The following RTF1 variants were observed in gnomAD, a reference collection of about 807,000 sequenced individuals.
RTF1 encodes the protein RTF1 homolog, Paf1/RNA polymerase II complex component.
In RTF1, 10 loss-of-function variants were observed where a neutral mutation model predicts 95.7. The observed-to-expected ratio is 0.10, with a 90% CI of 0.06 to 0.18. RTF1 has a LOEUF of 0.18. Among genes scored for constraint, RTF1 ranks in the 10% least tolerant of loss-of-function variants. The probability of loss-of-function intolerance (pLI) is 1.00; values close to 1 mark genes in which losing one functional copy is unlikely to be tolerated. For synonymous variants in RTF1, 305 were observed against 311.8 expected (o/e 0.98, Z 0.23); for missense variants, 458 against 875.6 (o/e 0.52, Z 6.02).
At position 41,483,204 on chromosome 15, in the gene RTF1, C is replaced by G. The variant is rs1467710974; in HGVS notation, c.*2517C>G. 2 of 152,768 alleles carry G rather than the reference C, an allele frequency of 1.3e-5. No homozygotes were observed. The highest frequency in any genetic ancestry group is 2.9e-5 in the Non-Finnish European group (2 of 68,042). 9.5% of individuals were successfully genotyped at this position (152,768 alleles called of 1,614,324 possible). On this transcript the variant is annotated 3_prime_UTR_variant, in exon 18 of 18. Transcript: ENST00000389629. ...AAGATCTTGGTCAGGCATTAAGACACTGGCTTTGTCCTACCAACTAGGATT... is the reference window on the plus strand; with the variant it reads ...AAGATCTTGGTCAGGCATTAAGACAGTGGCTTTGTCCTACCAACTAGGATT...
At chr15:41,426,312 A>ATT (rs540070805) in intron 1 of RTF1, among the ~76,000 whole-genome samples, 3 of 143,034 alleles carry the variant, frequency 2.1e-5, no homozygotes, top group Admixed American at 7.0e-5. Context: ...GTTTGTTTTT[A>ATT]TTTTTTTTTT....
At chr15:41,437,963 CAG>C (rs1172720724) in intron 1 of RTF1, among the ~76,000 whole-genome samples, 1 of 152,218 alleles carries the variant, frequency 6.6e-6, no homozygotes, top group Non-Finnish European at 1.5e-5. Context: ...CCGGATAAAA[CAG>C]TGACTAGGTT....
chr15:41,469,358 CT>C (rs369510800), intron 6 of RTF1, among the ~76,000 whole-genome samples: 39 of 147,366 alleles, frequency 2.6e-4, no homozygotes, highest in Admixed American at 2.7e-4. Flanking sequence ...TTTTCTCTCT[CT>C]TTTTTTTTTA....
intron 1 of RTF1, among the ~76,000 whole-genome samples, chr15:41,426,843 T>C (rs1283462731): frequency 6.8e-6 from 1 of 147,992 alleles, no homozygotes; most frequent in Non-Finnish European, 1.5e-5. Context: ...TGTTTGTTTG[T>C]TTGTTTGTTT....
rs939099350 is a variant in RTF1 at position 41,430,328 on chromosome 15, G to C, written c.199-7993G>C. Among the ~76,000 whole-genome samples, 99 of 151,814 alleles carry C rather than the reference G, an allele frequency of 6.5e-4. 1 individual carries two copies. The highest frequency in any genetic ancestry group is 2.2e-3 in the African/African-American group (93 of 41,432). On this transcript the variant is annotated intron_variant, in intron 1 of 17. Transcript: ENST00000389629. ...CCAGCCTCAGCCTCCCAAATAGCTG[G>C]GACTACAGGCGCGTGGCACCACACC...
At chr15:41,446,465 C>T (rs1488067501) in intron 2 of RTF1, among the ~76,000 whole-genome samples, 1 of 152,010 alleles carries the variant, frequency 6.6e-6, no homozygotes, top group Non-Finnish European at 1.5e-5. Context: ...ACTCAGGAGG[C>T]TGAGGCAGGA....
chr15:41,468,963 C>T lies in RTF1; in HGVS notation c.890-1294C>T, dbSNP rs74822135. ...GCAGTTATTTTTCCTTCCTTCCATCCATCTTTTTCTCTCTCTCTTTTTTGA... is the reference window on the plus strand; with the variant it reads ...GCAGTTATTTTTCCTTCCTTCCATCTATCTTTTTCTCTCTCTCTTTTTTGA... On this transcript the variant is annotated intron_variant, in intron 6 of 17. Transcript: ENST00000389629. Among the ~76,000 whole-genome samples the T allele has an allele frequency of 1.6e-3, 250 of 151,964 alleles. 3 individuals are homozygous for T. Among genetic ancestry groups the T allele is most frequent in the Non-Finnish European group, 3.0e-3 (205 of 67,924 alleles).
intron 2 of RTF1, among the ~76,000 whole-genome samples, chr15:41,445,141 T>C (rs2050754438): frequency 6.6e-6 from 1 of 152,028 alleles, no homozygotes; most frequent in Admixed American, 6.6e-5. Flanking sequence ...TTCTCTGTGT[T>C]AGCCAGGATG....
At chr15:41,445,144 C>CT (rs2050754475) in intron 2 of RTF1, among the ~76,000 whole-genome samples, 2 of 151,948 alleles carry the variant, frequency 1.3e-5, no homozygotes, top group South Asian at 4.2e-4. Context: ...TCTGTGTTAG[C>CT]CAGGATGGTC....
intron 1 of RTF1, among the ~76,000 whole-genome samples, chr15:41,425,193 C>G (rs1379518153): frequency 6.6e-6 from 1 of 152,064 alleles, no homozygotes; most frequent in Non-Finnish European, 1.5e-5. Flanking sequence ...GCTTCGCCTC[C>G]CGGGTTCATA....
At chr15:41,432,785 A>G (rs1002182235) in intron 1 of RTF1, among the ~76,000 whole-genome samples, 9 of 151,906 alleles carry the variant, frequency 5.9e-5, no homozygotes, top group Non-Finnish European at 8.8e-5. Flanking sequence ...TAAAAATACA[A>G]AAAATTAGCC....
In RTF1 at chr15:41,417,222, G is replaced by T; in HGVS notation, c.107G>T (p.Ser36Ile). Residue 36 changes from serine (S) to isoleucine (I), a missense_variant, in exon 1 of 18, where the codon AGC (serine) becomes ATC (isoleucine). By Grantham distance (142) the Ser-to-Ile change is moderately radical. This residue lies in a region of RTF1 where 81 missense variants were observed against 59.9 expected (regional missense o/e 1.35). Coordinates refer to ENST00000389629, the MANE Select transcript of RTF1 (RefSeq NM_015138.5). ...EGSPGGGRRGSRGTTMVKKRK... is the reference protein window; with the variant it reads ...EGSPGGGRRGIRGTTMVKKRK... ...AGTCCGGGCGGCGGCCGGCGTGGGA[G>T]CCGGGGGACCACCATGGTAAAGAAG... 7.9e-7 allele frequency: 1 copy of T among 1,260,812 alleles called. No individual in the cohort carries two copies. Among genetic ancestry groups the T allele is most frequent in the Non-Finnish European group, 1.0e-6 (1 of 997,058 alleles). 78.1% of individuals were successfully genotyped at this position (1,260,812 alleles called of 1,614,324 possible).
intron 2 of RTF1, among the ~76,000 whole-genome samples, chr15:41,443,251 TC>T (rs775947476): frequency 6.6e-6 from 1 of 152,210 alleles, no homozygotes; most frequent in Non-Finnish European, 1.5e-5. Flanking sequence ...CAGTATAATG[TC>T]ATATTAGTGA....
chr15:41,479,301 C>A, intron 16 of RTF1, 103 bp downstream of exon 16: 1 of 710,610 alleles, frequency 1.4e-6, no homozygotes, highest in Non-Finnish European at 2.5e-6. Flanking sequence ...CCTTGAGGAA[C>A]AGGGAGTCCC....
intron 1 of RTF1, among the ~76,000 whole-genome samples, chr15:41,436,309 AATT>A (rs1210679877): frequency 6.6e-6 from 1 of 150,812 alleles, no homozygotes; most frequent in Non-Finnish European, 1.5e-5. Flanking sequence ...AAAAAAAAAA[AATT>A]AGCTGGGCTT....
intron 4 of RTF1, among the ~76,000 whole-genome samples, chr15:41,461,583 C>T (rs2050849068): frequency 1.3e-5 from 2 of 151,460 alleles, no homozygotes; most frequent in Non-Finnish European, 1.5e-5. Context: ...AGCTCCGCTT[C>T]CCGGGTTCAT....
intron 1 of RTF1, among the ~76,000 whole-genome samples, chr15:41,430,097 T>C (rs1330266412): frequency 6.7e-6 from 1 of 149,482 alleles, no homozygotes; most frequent in African/African-American, 2.5e-5. Flanking sequence ...CATCCCTACC[T>C]CCTGGGTTCA....
At chr15:41,436,395 T>C (rs2050702684) in intron 1 of RTF1, among the ~76,000 whole-genome samples, 1 of 149,044 alleles carries the variant, frequency 6.7e-6, no homozygotes, top group Non-Finnish European at 1.5e-5. Context: ...AGGCCGATCT[T>C]GCAGTGAGCC....
chr15:41,428,682 CCCT>C (rs1372210728), intron 1 of RTF1, among the ~76,000 whole-genome samples: 1 of 151,870 alleles, frequency 6.6e-6, no homozygotes, highest in Non-Finnish European at 1.5e-5. Flanking sequence ...AAGTGATCCT[CCCT>C]CCTCTGCCTC....
Sources: allele counts gnomAD v4.1 joint callset (sites outside exome capture counted in the v4.1 genomes callset), GRCh38; gene constraint gnomAD v4.1.1; regional missense constraint gnomAD v4.1.1; transcripts MANE v1.5; gene names NCBI Gene and HGNC (gene_info 2026-07-23, HGNC 2026-07-21).